MZF1: variants seen among roughly 807,000 people sequenced by gnomAD.
The protein encoded by MZF1 is zinc finger and SCAN domain-containing protein 6.
MZF1 carries 24 observed loss-of-function variants against 28.6 expected under a neutral mutation model. The observed-to-expected ratio is 0.84, with a 90% CI of 0.61 to 1.18. The LOEUF (loss-of-function observed/expected upper bound fraction) is 1.18. MZF1 is among the 50% of genes most tolerant of loss of function. The pLI is 0.00. For missense variants in MZF1, 1,166 were observed against 1,026.4 expected, an observed-to-expected ratio of 1.14 and a Z score of -1.86; for synonymous variants, 516 against 432.5, an observed-to-expected ratio of 1.19 and a Z score of -2.40.
intron 5 of MZF1, among the ~76,000 whole-genome samples, chr19:58,566,712 G>C (rs900057452): frequency 3.9e-5 from 6 of 152,266 alleles, no homozygotes; most frequent in Non-Finnish European, 7.4e-5. Flanking sequence ...GGTGACTTGA[G>C]CCTGTAATTG....
intron 5 of MZF1, among the ~76,000 whole-genome samples, chr19:58,565,798 C>CCTT: frequency 6.8e-6 from 1 of 146,914 alleles, no homozygotes; most frequent in African/African-American, 2.5e-5. Flanking sequence ...TCCCAAAGTG[C>CCTT]TGGGATTACA....
intron 1 of MZF1, 193 bp downstream of exon 1, chr19:58,572,862 T>C (rs2054191809): frequency 3.9e-5 from 12 of 310,218 alleles, no homozygotes; most frequent in South Asian, 2.8e-4. Context: ...GGGGCGGGGC[T>C]CCCAAAGCCT....
intron 5 of MZF1, among the ~76,000 whole-genome samples, chr19:58,567,720 T>C (rs560547838): frequency 6.6e-6 from 1 of 152,326 alleles, no homozygotes; most frequent in East Asian, 1.9e-4. Flanking sequence ...TTCCAGCCAG[T>C]AAGCCCCACA....
At chr19:58,566,532 G>A (rs567731842) in intron 5 of MZF1, among the ~76,000 whole-genome samples, 1 of 152,304 alleles carries the variant, frequency 6.6e-6, no homozygotes, top group Admixed American at 6.5e-5. Context: ...AGACACATAA[G>A]AAACAAGCAG....
intron 1 of MZF1, 46 bp from the exon 2 acceptor site, chr19:58,571,475 A>G: frequency 6.6e-7 from 1 of 1,510,842 alleles, no homozygotes; most frequent in Non-Finnish European, 9.0e-7. Context: ...AGTACAGTGA[A>G]TGCTTCACTG....
Position 58,563,133 on chromosome 19 carries a change from G to T in MZF1, c.1144C>A (p.Arg382=). The part of the protein sequence containing the change: ...LRHQKIHTGE[R]PFVCSECGRS... ...CCGCACTCGCTGCACACGAATGGTCGCTCACCCGTGTGGATCTTCTGGTGC... is the reference window on the plus strand; with the variant it reads ...CCGCACTCGCTGCACACGAATGGTCTCTCACCCGTGTGGATCTTCTGGTGC... The change falls in exon 6 of 6, where the codon CGA becomes AGA. Residue 382 remains arginine (R), a synonymous_variant. Coordinates refer to ENST00000215057, the MANE Select transcript of MZF1 (RefSeq NM_198055.2). The T allele has an allele frequency of 1.2e-6, 2 of 1,608,308 alleles. No individual in the cohort carries two copies.
At chr19:58,565,603 G>A (rs1461348234) in intron 5 of MZF1, among the ~76,000 whole-genome samples, 3 of 151,894 alleles carry the variant, frequency 2.0e-5, no homozygotes, top group Non-Finnish European at 4.4e-5. Context: ...CGCCATCTCA[G>A]CTCACTGCAA....
intron 5 of MZF1, among the ~76,000 whole-genome samples, chr19:58,565,251 C>T (rs1405872824): frequency 2.6e-5 from 4 of 151,960 alleles, no homozygotes; most frequent in African/African-American, 9.7e-5. Flanking sequence ...TGCACCACCA[C>T]ACCCGGCTAA....
Position 58,563,394 on chromosome 19 carries a change from GTGAT to G in MZF1, c.879_882del (p.Gln293HisfsTer18), listed in dbSNP as rs2122684284. On this transcript the variant is annotated frameshift_variant, in exon 6 of 6. Coordinates refer to ENST00000215057, the MANE Select transcript of MZF1 (RefSeq NM_198055.2). LOFTEE classifies it low-confidence loss of function (END_TRUNC). ...TGCGCAAAGCCACCTTCGCGGGAGG[GTGAT>G]TGGATCTGGCCAGAAAGGCCAGCCA... The G allele has an allele frequency of 6.2e-7, 1 of 1,600,506 alleles. No individual in the cohort carries two copies. Among genetic ancestry groups the G allele is most frequent in the Non-Finnish European group, 8.5e-7 (1 of 1,173,684 alleles).
At chr19:58,572,995 CT>C (rs2054195051) in intron 1 of MZF1, 59 bp downstream of exon 1, 1 of 178,480 alleles carries the variant, frequency 5.6e-6, no homozygotes, top group African/African-American at 2.4e-5. Context: ...ATCCCCGAGT[CT>C]GCAGCCACCG....
intron 5 of MZF1, among the ~76,000 whole-genome samples, chr19:58,567,408 C>A (rs2054078620): frequency 6.6e-6 from 1 of 152,218 alleles, no homozygotes; most frequent in Non-Finnish European, 1.5e-5. Flanking sequence ...CTTCTCCCAT[C>A]CTGGCAGAAG....
intron 5 of MZF1, 183 bp from the exon 6 acceptor site, chr19:58,563,687 A>T (rs1358271007): frequency 5.5e-6 from 3 of 549,016 alleles, no homozygotes; most frequent in African/African-American, 1.9e-5. Flanking sequence ...TGATAATGAG[A>T]CAGAACCCAG....
chr19:58,571,396 T>A lies in MZF1; in HGVS notation c.-7A>T. On this transcript the variant is annotated 5_prime_UTR_variant, in exon 2 of 6. Coordinates refer to ENST00000215057, the MANE Select transcript of MZF1 (RefSeq NM_198055.2). Reference sequence around the variant, plus strand: ...CCAGCACCGCAGGCCTCATAGAGGGTACCAGGTCAGGTATCTGAGGCCAGT... The same window carrying A: ...CCAGCACCGCAGGCCTCATAGAGGGAACCAGGTCAGGTATCTGAGGCCAGT... 6.2e-7 allele frequency: 1 copy of A among 1,613,608 alleles called. No homozygotes were observed. Among genetic ancestry groups the A allele is most frequent in the Non-Finnish European group, 8.5e-7 (1 of 1,179,772 alleles).
At chr19:58,572,453 C>G in intron 1 of MZF1, 3 of 962,736 alleles carry the variant, frequency 3.1e-6, no homozygotes, top group Non-Finnish European at 4.3e-6. Flanking sequence ...ACTGCCGGAA[C>G]AGGAGCCTGC....
Position 58,571,345 on chromosome 19 carries a change from T to A in MZF1, c.45A>T (p.Glu15Asp). Residue 15 changes from glutamate to aspartate, a missense_variant, in exon 2 of 6, where the codon GAA (glutamate) becomes GAT (aspartate). By Grantham distance (45) the Glu-to-Asp change is conservative (BLOSUM62 2). Coordinates refer to ENST00000215057, the MANE Select transcript of MZF1 (RefSeq NM_198055.2). ...VLGSPDRAPP[E>D]DEGPVMVKLE... ...GCTTCACCATGACAGGCCCCTCATC[T>A]TCTGGGGGTGCTCGGTCTGGGGAGC... 1 of 1,614,176 alleles carries A rather than the reference T, an allele frequency of 6.2e-7. No homozygotes were observed. The highest frequency in any genetic ancestry group is 8.5e-7 in the Non-Finnish European group (1 of 1,180,022).
chr19:58,572,737 C>G, intron 1 of MZF1: 1 of 766,466 alleles, frequency 1.3e-6, no homozygotes, highest in South Asian at 1.5e-5. Flanking sequence ...AGACTTGGGT[C>G]ATAGCCAAGA....
Position 58,563,375 on chromosome 19 carries a change from A to C in MZF1, c.902T>G (p.Phe301Cys). The C allele has an allele frequency of 6.2e-7, 1 of 1,606,370 alleles. No homozygotes were observed. The highest frequency in any genetic ancestry group is 8.5e-7 in the Non-Finnish European group (1 of 1,176,548). Residue 301 changes from phenylalanine (F) to cysteine (C), a missense_variant, in exon 6 of 6, where the codon TTT becomes TGT. Coordinates refer to ENST00000215057, the MANE Select transcript of MZF1 (RefSeq NM_198055.2). The part of the protein sequence containing the change: ...QIQSPSREGG[F>C]AHALLLPSDL... ...GCTGGGGAGCAGAAGCGCATGCGCAAAGCCACCTTCGCGGGAGGGTGATTG... is the reference window on the plus strand; with the variant it reads ...GCTGGGGAGCAGAAGCGCATGCGCACAGCCACCTTCGCGGGAGGGTGATTG...
In MZF1 at chr19:58,571,341, C is replaced by T. The variant is rs116667211; in HGVS notation, c.49G>A (p.Glu17Lys). ...TCTAGCTTCACCATGACAGGCCCCT[C>T]ATCTTCTGGGGGTGCTCGGTCTGGG... ...GSPDRAPPED[E>K]GPVMVKLEDS... is the part of the protein sequence containing the mutation. Residue 17 changes from glutamate to lysine, a missense_variant, in exon 2 of 6, where the codon GAG (glutamate) becomes AAG (lysine). Physicochemically the swap from Glu to Lys is moderately conservative, Grantham distance 56. Coordinates refer to ENST00000215057, the MANE Select transcript of MZF1 (RefSeq NM_198055.2). The T allele has an allele frequency of 2.9e-4, 469 of 1,614,202 alleles. 2 individuals are homozygous for T. The African/African-American group carries it at 5.6e-3, about 19-fold the overall frequency.
intron 5 of MZF1, chr19:58,568,395 G>A (rs1009009942): frequency 6.6e-6 from 1 of 152,166 alleles, no homozygotes; most frequent in African/African-American, 2.4e-5. Context: ...CATCCCAGAT[G>A]CCAATAGCCA....
Sources: allele counts gnomAD v4.1 joint callset (sites outside exome capture counted in the v4.1 genomes callset), GRCh38; gene constraint gnomAD v4.1.1; transcripts MANE v1.5; gene names NCBI Gene and HGNC (gene_info 2026-07-23, HGNC 2026-07-21).